Variants in ZNF398 observed in about 807,000 individuals in gnomAD.
ZNF398 encodes the protein zinc finger protein 398, also known as zinc finger DNA binding protein ZER6.
In ZNF398, 18 loss-of-function variants were observed where a neutral mutation model predicts 41.9. The observed-to-expected ratio is 0.43, with a 90% CI of 0.30 to 0.64. ZNF398 has a LOEUF of 0.64. Among genes scored for constraint, ZNF398 ranks in the 30% least tolerant of loss-of-function variants. The pLI is 0.14. For missense variants in ZNF398, 669 were observed against 822.8 expected (o/e 0.81, Z 2.29); for synonymous variants, 260 against 308.8 (o/e 0.84, Z 1.66).
chr7:149,130,265 T>G (rs1214594167), intron 2 of ZNF398, among the ~76,000 whole-genome samples: 11 of 152,000 alleles, frequency 7.2e-5, no homozygotes, highest in Admixed American at 7.2e-4. Context: ...CTGGCTAATT[T>G]TTGTATTTTT....
intron 2 of ZNF398, among the ~76,000 whole-genome samples, chr7:149,136,844 A>G (rs1826724115): frequency 6.7e-6 from 1 of 150,008 alleles, no homozygotes; most frequent in Non-Finnish European, 1.5e-5. Context: ...CTGCGATTAC[A>G]GGCGTGAGCC....
intron 4 of ZNF398, among the ~76,000 whole-genome samples, chr7:149,167,712 G>T (rs1221843132): frequency 7.1e-6 from 1 of 141,488 alleles, no homozygotes; most frequent in South Asian, 2.2e-4. Context: ...CTGGGTTCAC[G>T]CCACTCTCCT....
At chr7:149,175,566 AAT>A (rs529853066) in intron 4 of ZNF398, among the ~76,000 whole-genome samples, 100 of 152,304 alleles carry the variant, frequency 6.6e-4, no homozygotes, top group African/African-American at 2.3e-3. Flanking sequence ...AGACAAAGAT[AAT>A]ATATCTCATA....
intron 3 of ZNF398, 83 bp downstream of exon 3, chr7:149,166,367 C>T: frequency 1.3e-6 from 2 of 1,535,482 alleles, no homozygotes; most frequent in Non-Finnish European, 1.8e-6. Flanking sequence ...CCAGTGACCT[C>T]ATTCTCACTC....
At position 149,166,885 on chromosome 7, in the gene ZNF398, C is replaced by A. The variant is rs1376881619; in HGVS notation, c.616C>A (p.Gln206Lys). 1.9e-6 allele frequency: 3 copies of A among 1,613,002 alleles called. No homozygotes were observed. Among genetic ancestry groups the A allele is most frequent in the Non-Finnish European group, 2.5e-6 (3 of 1,179,364 alleles). ...QPEGEHNTED[Q>K]AGPEESEIPT... ...AGAAGGGGAACATAATACAGAGGAC[C>A]AGGCAGGGCCAGAGGAAAGTGAGAT... Residue 206 changes from glutamine (Q) to lysine (K), a missense_variant, in exon 4 of 6, where the codon CAG becomes AAG. This residue lies in a region of ZNF398 where 290 missense variants were observed against 292.9 expected (regional missense o/e 0.99). Coordinates refer to ENST00000475153, the MANE Select transcript of ZNF398 (RefSeq NM_170686.3).
chr7:149,175,964 G>A (rs1282817506), intron 4 of ZNF398, among the ~76,000 whole-genome samples: 4 of 152,050 alleles, frequency 2.6e-5, no homozygotes, highest in Admixed American at 1.3e-4. Context: ...GGGCTTACAC[G>A]CGTGAGTTAC....
At chr7:149,129,389 TA>T (rs1381102749) in intron 2 of ZNF398, among the ~76,000 whole-genome samples, 5 of 152,106 alleles carry the variant, frequency 3.3e-5, no homozygotes, top group Admixed American at 2.0e-4. Context: ...TTTTTATTGT[TA>T]TTTTTTTGAG....
At chr7:149,134,807 C>G (rs1460888012) in intron 2 of ZNF398, among the ~76,000 whole-genome samples, 1 of 151,954 alleles carries the variant, frequency 6.6e-6, no homozygotes, top group Non-Finnish European at 1.5e-5. Context: ...CTTGGCTCAC[C>G]GCAACCTCTG....
chr7:149,179,244 G>T lies in ZNF398; in HGVS notation c.1372G>T (p.Ala458Ser), dbSNP rs1795538464. Residue 458 changes from alanine to serine, a missense_variant, in exon 6 of 6, where the codon GCC becomes TCC. Physicochemically the swap from Ala to Ser is moderately conservative, Grantham distance 99. Around this residue, in one of 3 missense-constraint regions of ZNF398, gnomAD observed 210 missense variants for 290.4 expected, o/e 0.72. Coordinates refer to ENST00000475153, the MANE Select transcript of ZNF398 (RefSeq NM_170686.3). The surrounding 1 kb of genome is among the most constrained non-coding windows in gnomAD (Gnocchi z 6.1). ...TGCAAGCGAAAGGCCCTTCCGCTGT[G>T]CCCAGTGCGGCAGGAGCTTCAGCTT... ...AHASERPFRCAQCGRSFSLKI... is the reference protein window; with the variant it reads ...AHASERPFRCSQCGRSFSLKI... 6 of 1,613,210 alleles carry T rather than the reference G, an allele frequency of 3.7e-6. No homozygotes were observed. The highest frequency in any genetic ancestry group is 5.1e-6 in the Non-Finnish European group (6 of 1,179,988).
rs1826999462 is a variant in ZNF398 at position 149,147,951 on chromosome 7, G to A, written c.24+185G>A. 6.6e-6 allele frequency among the ~76,000 whole-genome samples: 1 copy of A among 152,130 alleles called. No individual in the cohort carries two copies. Reference sequence around the variant, plus strand: ...GGACTTAGCGGGTGGGTGTGAAACCGCCCACCCGGGGACACCAGGCTGGGC... The same window carrying A: ...GGACTTAGCGGGTGGGTGTGAAACCACCCACCCGGGGACACCAGGCTGGGC... On this transcript the variant is annotated intron_variant, in intron 1 of 5. Transcript: ENST00000475153. This position sits in a 1 kb window ranked among gnomAD's most constrained non-coding sequence, Gnocchi z 5.6.
rs143481615 is a variant in ZNF398 at position 149,179,516 on chromosome 7, C to T, written c.1644C>T (p.Phe548=). ...PFSCPHCGKS[F]IRKHHLMKHQ... ...GTTGTCCTCACTGTGGCAAGAGCTTCATCCGCAAGCACCACCTAATGAAAC... is the reference window on the plus strand; with the variant it reads ...GTTGTCCTCACTGTGGCAAGAGCTTTATCCGCAAGCACCACCTAATGAAAC... Residue 548 remains phenylalanine (F), a synonymous_variant, in exon 6 of 6, where the codon TTC becomes TTT. Transcript: ENST00000475153. The surrounding 1 kb of genome is among the most constrained non-coding windows in gnomAD (Gnocchi z 6.1). 297 of 1,614,128 alleles carry T rather than the reference C, an allele frequency of 1.8e-4. No homozygotes were observed. Among genetic ancestry groups the T allele is most frequent in the Non-Finnish European group, 2.3e-4 (275 of 1,180,056 alleles).
At chr7:149,148,391 C>G in intron 1 of ZNF398, 1 of 981,712 alleles carries the variant, frequency 1.0e-6, no homozygotes, top group Non-Finnish European at 1.2e-6. Context: ...GCGACCGAGG[C>G]GACCGGGCCG....
intron 4 of ZNF398, among the ~76,000 whole-genome samples, chr7:149,176,092 G>C (rs1460855557): frequency 6.6e-6 from 1 of 152,144 alleles, no homozygotes; most frequent in South Asian, 2.1e-4. Context: ...CAGCACTTTG[G>C]GAGGCCAAGG....
chr7:149,162,327 G>A (rs1433507731), intron 2 of ZNF398, among the ~76,000 whole-genome samples: 3 of 151,988 alleles, frequency 2.0e-5, no homozygotes, highest in Non-Finnish European at 2.9e-5. Flanking sequence ...GACTACAGGC[G>A]CCTGCCACCA....
At chr7:149,141,954 G>T (rs1490840318) in intron 2 of ZNF398, among the ~76,000 whole-genome samples, 1 of 152,064 alleles carries the variant, frequency 6.6e-6, no homozygotes, top group Non-Finnish European at 1.5e-5. Flanking sequence ...ATCCATGAAG[G>T]CTGTTTTTGT....
intron 1 of ZNF398, among the ~76,000 whole-genome samples, chr7:149,126,881 G>A (rs1826491517): frequency 6.6e-6 from 1 of 152,214 alleles, no homozygotes; most frequent in African/African-American, 2.4e-5. Context: ...TCCGGTCCCC[G>A]TGGGTGCAGC....
intron 5 of ZNF398, 151 bp downstream of exon 5, chr7:149,176,732 A>G (rs1239536549): frequency 1.8e-6 from 1 of 540,920 alleles, no homozygotes; most frequent in East Asian, 3.1e-5. Flanking sequence ...ATGAAACCAA[A>G]CAGTCACTAA....
chr7:149,147,886 G>T lies in ZNF398; in HGVS notation c.24+120G>T, dbSNP rs1428060767. The stretch of plus-strand genomic sequence containing the variant: ...GTTCTCGGGTCCCGCCGGCCACGTC[G>T]CCTGTCGCCCGTGCTTGGCGGCTGC... On this transcript the variant is annotated intron_variant, in intron 1 of 5. Coordinates refer to ENST00000475153, the MANE Select transcript of ZNF398 (RefSeq NM_170686.3). The surrounding 1 kb of genome is among the most constrained non-coding windows in gnomAD (Gnocchi z 5.6). 16 of 1,182,814 alleles carry T rather than the reference G, an allele frequency of 1.4e-5. No individual in the cohort carries two copies. The East Asian group carries it at 5.2e-4, about 38-fold the overall frequency. The allele number at this position is 1,182,814 out of a possible 1,614,324, so 73.3% of individuals were successfully genotyped here.
chr7:149,132,639 G>A (rs1158797135), intron 2 of ZNF398, among the ~76,000 whole-genome samples: 1 of 152,152 alleles, frequency 6.6e-6, no homozygotes, highest in Non-Finnish European at 1.5e-5. Flanking sequence ...GACCAGGTGG[G>A]ACGTCTACAT....
Sources: allele counts gnomAD v4.1 joint callset (sites outside exome capture counted in the v4.1 genomes callset), GRCh38; gene constraint gnomAD v4.1.1; regional missense constraint gnomAD v4.1.1; non-coding constraint Gnocchi (gnomAD v3.1); transcripts MANE v1.5; gene names NCBI Gene and HGNC (gene_info 2026-07-23, HGNC 2026-07-21).